The following SORCS3 variants were observed in gnomAD, a reference collection of about 807,000 sequenced individuals.
SORCS3 encodes the protein VPS10 domain-containing receptor SorCS3.
SORCS3 carries 57 observed loss-of-function variants against 146.3 expected under a neutral mutation model. That is an observed-to-expected ratio of 0.39 (90% CI 0.31 to 0.49). SORCS3 has a LOEUF of 0.49. Ranked by LOEUF, SORCS3 falls within the 20% of genes least tolerant of loss-of-function variation. SORCS3 has a pLI of 0.92. For missense variants in SORCS3, 1,341 were observed against 1,575.5 expected (o/e 0.85, Z 2.52); for synonymous variants, 653 against 618.5 (o/e 1.06, Z -0.83).
chr10:104,838,314 C>T (rs563923166), intron 1 of SORCS3, among the ~76,000 whole-genome samples: 17 of 152,190 alleles, frequency 1.1e-4, no homozygotes, highest in African/African-American at 3.9e-4. Context: ...CTAACAGCCC[C>T]GAGCTTGTTA....
chr10:105,071,623 A>C (rs1361735371), intron 5 of SORCS3, among the ~76,000 whole-genome samples: 3 of 152,230 alleles, frequency 2.0e-5, no homozygotes, highest in Non-Finnish European at 4.4e-5. Flanking sequence ...AGCACATTAT[A>C]GAGAAAAGGG....
intron 4 of SORCS3, among the ~76,000 whole-genome samples, chr10:105,011,393 G>A (rs1262765815): frequency 6.6e-6 from 1 of 151,972 alleles, no homozygotes; most frequent in Non-Finnish European, 1.5e-5. Flanking sequence ...TTGTCTATTT[G>A]CATTGTATGC....
intron 20 of SORCS3, among the ~76,000 whole-genome samples, chr10:105,236,135 T>C (rs756753261): frequency 6.6e-6 from 1 of 152,124 alleles, no homozygotes; most frequent in African/African-American, 2.4e-5. Flanking sequence ...TCTGGGATTA[T>C]TCTTCACCAG....
intron 3 of SORCS3, among the ~76,000 whole-genome samples, chr10:104,931,449 A>G (rs17117998): frequency 0.28 from 42,130 of 152,050 alleles, 7,524 homozygotes; most frequent in African/African-American, 0.51. Context: ...ACTCTGGTGG[A>G]GAAACTGCCC....
intron 4 of SORCS3, among the ~76,000 whole-genome samples, chr10:105,016,727 G>T (rs748805196): frequency 6.6e-6 from 1 of 151,990 alleles, no homozygotes; most frequent in African/African-American, 2.4e-5. Context: ...GGACCCTACC[G>T]CCAATGTAGA....
At chr10:105,125,679 C>CCACACACACACACACACACACACACA (rs71022752) in intron 7 of SORCS3, among the ~76,000 whole-genome samples, 40 of 144,482 alleles carry the variant, frequency 2.8e-4, no homozygotes, top group East Asian at 1.3e-3. Context: ...CACTGAATAT[C>CCACACACACACACACACACACACACA]CACACACACA....
At chr10:104,643,050 C>T (rs572243715) in intron 1 of SORCS3, among the ~76,000 whole-genome samples, 7 of 152,378 alleles carry the variant, frequency 4.6e-5, no homozygotes, top group Admixed American at 2.0e-4. Context: ...TCCCTCCCTC[C>T]CGCGGTCCCT....
chr10:104,867,385 T>C (rs1025143821), intron 2 of SORCS3, among the ~76,000 whole-genome samples: 3 of 151,246 alleles, frequency 2.0e-5, no homozygotes, highest in Admixed American at 6.6e-5. Context: ...TCTCGGCTCA[T>C]TGCAAGCTCC....
In SORCS3 at chr10:105,211,174, G is replaced by A; in HGVS notation, c.2299G>A (p.Val767Ile). The part of the protein sequence containing the change: ...GYERHGESQC[V>I]PAFWYNPASP... ...TGAGAGACATGGGGAGAGCCAGTGT[G>A]TCCCAGCTTTCTGGTACAATCCAGC... The change falls in exon 17 of 27, where the codon GTC (valine) becomes ATC (isoleucine). Residue 767 changes from valine (V) to isoleucine (I), a missense_variant. Physicochemically the swap from Val to Ile is conservative, Grantham distance 29 (BLOSUM62 3). Transcript: ENST00000369701. 2 of 1,614,044 alleles carry A rather than the reference G, an allele frequency of 1.2e-6. No homozygotes were observed. Among genetic ancestry groups the A allele is most frequent in the Non-Finnish European group, 1.7e-6 (2 of 1,179,962 alleles).
At chr10:104,879,510 A>G (rs1477106789) in intron 2 of SORCS3, among the ~76,000 whole-genome samples, 2 of 152,162 alleles carry the variant, frequency 1.3e-5, no homozygotes, top group African/African-American at 2.4e-5. Context: ...TCAACTATAT[A>G]TGCTAAGTCC....
intron 4 of SORCS3, among the ~76,000 whole-genome samples, chr10:104,979,662 G>A (rs1375957232): frequency 5.1e-4 from 77 of 151,996 alleles, no homozygotes; most frequent in Non-Finnish European, 1.5e-5. Flanking sequence ...CAAGCCTCAT[G>A]GTGGGTGCCA....
At chr10:105,186,002 T>A (rs565020906) in intron 14 of SORCS3, among the ~76,000 whole-genome samples, 1 of 152,328 alleles carries the variant, frequency 6.6e-6, no homozygotes, top group East Asian at 1.9e-4. Context: ...ATGATATAAA[T>A]ATGCACAATT....
chr10:105,068,015 C>T (rs1216738295), intron 5 of SORCS3, among the ~76,000 whole-genome samples: 1 of 152,020 alleles, frequency 6.6e-6, no homozygotes, highest in Non-Finnish European at 1.5e-5. Flanking sequence ...TTACCAAACC[C>T]TATCTCACAC....
intron 14 of SORCS3, among the ~76,000 whole-genome samples, chr10:105,185,856 G>A (rs1766172772): frequency 6.6e-6 from 1 of 151,990 alleles, no homozygotes; most frequent in Non-Finnish European, 1.5e-5. Context: ...AATATATGTG[G>A]TATCACTTTA....
At chr10:105,033,478 A>T (rs991551882) in intron 4 of SORCS3, among the ~76,000 whole-genome samples, 3 of 152,182 alleles carry the variant, frequency 2.0e-5, no homozygotes, top group African/African-American at 7.2e-5. Context: ...TGATTCTCTG[A>T]TCCTATGTTG....
chr10:104,715,121 G>C (rs967773915), intron 1 of SORCS3, among the ~76,000 whole-genome samples: 6 of 152,156 alleles, frequency 3.9e-5, no homozygotes, highest in African/African-American at 1.4e-4. Context: ...ACTTGACTGG[G>C]TTAAGGGATG....
chr10:105,035,102 C>A (rs1351855492), intron 4 of SORCS3, among the ~76,000 whole-genome samples: 1 of 152,174 alleles, frequency 6.6e-6, no homozygotes, highest in East Asian at 1.9e-4. Context: ...CCTCCTCAAA[C>A]TGGGGCTCAA....
intron 2 of SORCS3, among the ~76,000 whole-genome samples, chr10:104,903,669 C>G (rs894973401): frequency 1.3e-5 from 2 of 152,152 alleles, no homozygotes; most frequent in African/African-American, 4.8e-5. Flanking sequence ...CTGGTAGCCT[C>G]CATGACTCTC....
At chr10:104,680,481 C>T (rs1479469174) in intron 1 of SORCS3, among the ~76,000 whole-genome samples, 1 of 152,206 alleles carries the variant, frequency 6.6e-6, no homozygotes. Flanking sequence ...AGAGGCTGTC[C>T]CCCGTGTGGA....
Sources: allele counts gnomAD v4.1 joint callset (sites outside exome capture counted in the v4.1 genomes callset), GRCh38; gene constraint gnomAD v4.1.1; transcripts MANE v1.5; gene names NCBI Gene and HGNC (gene_info 2026-07-23, HGNC 2026-07-21).